GLIS3: variants seen among roughly 807,000 people sequenced by gnomAD.
GLIS3 encodes the protein GLIS family zinc finger 3, also known as zinc finger protein GLIS3.
Under a neutral mutation model 78.6 loss-of-function variants are expected in GLIS3, and 53 were observed. The ratio of observed to expected loss-of-function variants is 0.67; its 90% confidence interval spans 0.54 to 0.85. The LOEUF is 0.85. Ranked by LOEUF, GLIS3 falls within the 40% of genes least tolerant of loss-of-function variation. The probability of loss-of-function intolerance (pLI) is 0.00; values close to 1 mark genes in which losing one functional copy is unlikely to be tolerated. For missense variants in GLIS3, 1,703 were observed against 1,231.1 expected (o/e 1.38, Z -5.74); for synonymous variants, 684 against 509.9 (o/e 1.34, Z -4.60).
intron 8 of GLIS3, among the ~76,000 whole-genome samples, chr9:3,867,358 G>T (rs1441881200): frequency 6.6e-6 from 1 of 152,188 alleles, no homozygotes; most frequent in Non-Finnish European, 1.5e-5. Context: ...GTGACTTCCA[G>T]GAGCATATCA....
chr9:3,873,213 C>G (rs950449186), intron 8 of GLIS3, among the ~76,000 whole-genome samples: 2 of 152,208 alleles, frequency 1.3e-5, no homozygotes, highest in African/African-American at 4.8e-5. Flanking sequence ...AGAGGGAATT[C>G]TCCCACAGTC....
At chr9:4,263,400 C>G (rs560838235) in intron 2 of GLIS3, among the ~76,000 whole-genome samples, 38 of 152,026 alleles carry the variant, frequency 2.5e-4, no homozygotes, top group Non-Finnish European at 3.8e-4. Flanking sequence ...CAAATACAGA[C>G]TAACAGAGAA....
At chr9:4,074,304 G>A (rs1259184873) in intron 4 of GLIS3, among the ~76,000 whole-genome samples, 1 of 152,060 alleles carries the variant, frequency 6.6e-6, no homozygotes, top group Non-Finnish European at 1.5e-5. Flanking sequence ...TCATCATCTG[G>A]GCTTTGTCAG....
At chr9:4,193,065 G>A (rs981901958) in intron 2 of GLIS3, among the ~76,000 whole-genome samples, 2 of 152,212 alleles carry the variant, frequency 1.3e-5, no homozygotes, top group African/African-American at 2.4e-5. Flanking sequence ...TGTAGTCCCT[G>A]TTGGCAAACC....
At chr9:3,851,889 T>A (rs1420098791) in intron 9 of GLIS3, among the ~76,000 whole-genome samples, 1 of 152,136 alleles carries the variant, frequency 6.6e-6, no homozygotes, top group Admixed American at 6.5e-5. Context: ...ATGCCTGTAA[T>A]CCCAGCACTT....
chr9:3,884,098 G>A (rs1313513951), intron 7 of GLIS3, among the ~76,000 whole-genome samples: 1 of 152,204 alleles, frequency 6.6e-6, no homozygotes, highest in Non-Finnish European at 1.5e-5. Flanking sequence ...GGCTACCAGA[G>A]CATTCTAGGC....
rs192665559 is a variant in GLIS3 at position 4,209,205 on chromosome 9, A to G, written c.388+76833T>C. Among the ~76,000 whole-genome samples the G allele has an allele frequency of 5.6e-4, 85 of 152,208 alleles. 1 individual carries two copies. The highest frequency in any genetic ancestry group is 2.0e-3 in the African/African-American group (81 of 41,518). On this transcript the variant is annotated intron_variant, in intron 2 of 10. Coordinates refer to ENST00000381971, the MANE Select transcript of GLIS3 (RefSeq NM_001042413.2). The stretch of plus-strand genomic sequence containing the variant: ...CCTCATCTTATAAATGAAGATGCTC[A>G]CTCAAAGACGTAAAATTACCCTGAG...
intron 4 of GLIS3, among the ~76,000 whole-genome samples, chr9:4,097,864 A>G (rs931092498): frequency 5.3e-5 from 8 of 152,156 alleles, no homozygotes; most frequent in African/African-American, 1.9e-4. Context: ...ACACACACAA[A>G]AAAACCCCAC....
chr9:4,068,834 ATGTGTGTGTGTG>A (rs56232754), intron 4 of GLIS3, among the ~76,000 whole-genome samples: 1 of 149,704 alleles, frequency 6.7e-6, no homozygotes, highest in East Asian at 2.0e-4. Flanking sequence ...GCATGTATGC[ATGTGTGTGTGTG>A]TGTGTGTGTG....
chr9:4,173,076 G>T (rs1159661791), intron 2 of GLIS3, among the ~76,000 whole-genome samples: 1 of 152,142 alleles, frequency 6.6e-6, no homozygotes, highest in Non-Finnish European at 1.5e-5. Context: ...TCCACCCGTG[G>T]AGTTGGAACC....
chr9:4,403,840 A>C, the GLIS3 span, among the ~76,000 whole-genome samples: 1 of 152,146 alleles, frequency 6.6e-6, no homozygotes, highest in Non-Finnish European at 1.5e-5. Context: ...ACGAGAAAAC[A>C]AAGAATACAA....
chr9:3,842,692 A>G (rs1818798032), intron 9 of GLIS3, among the ~76,000 whole-genome samples: 1 of 152,182 alleles, frequency 6.6e-6, no homozygotes, highest in African/African-American at 2.4e-5. Context: ...CCTGAGCTCT[A>G]CGGCCGACTC....
chr9:4,440,159 A>C, the GLIS3 span, among the ~76,000 whole-genome samples: 1 of 152,098 alleles, frequency 6.6e-6, no homozygotes, highest in Non-Finnish European at 1.5e-5. Context: ...TACTCTGCTA[A>C]TTGTTTCTTT....
intron 9 of GLIS3, among the ~76,000 whole-genome samples, chr9:3,837,134 A>G (rs1363636494): frequency 6.6e-6 from 1 of 152,194 alleles, no homozygotes; most frequent in Non-Finnish European, 1.5e-5. Context: ...AAAGGCACTG[A>G]CCTACGACAG....
At chr9:4,329,905 C>A (rs1051061326) in intron 2 of GLIS3, among the ~76,000 whole-genome samples, 1 of 152,136 alleles carries the variant, frequency 6.6e-6, no homozygotes, top group Non-Finnish European at 1.5e-5. Context: ...GATGGGGACA[C>A]AGATGAATAA....
At chr9:4,307,943 G>T (rs1196025834) in intron 4 of GLIS3, among the ~76,000 whole-genome samples, 1 of 152,152 alleles carries the variant, frequency 6.6e-6, no homozygotes, top group South Asian at 2.1e-4. Context: ...TGTTTAGGGT[G>T]CTATTTAGGG....
chr9:3,848,068 T>C (rs1032258740), intron 9 of GLIS3, among the ~76,000 whole-genome samples: 2 of 152,266 alleles, frequency 1.3e-5, no homozygotes, highest in African/African-American at 2.4e-5. Flanking sequence ...CTTTCTGGGA[T>C]TTCAAGATGT....
Position 4,286,455 on chromosome 9 carries a change from A to C in GLIS3, c.-30T>G. ...AAAAACCTGTGGCCAAGACGGTCAA[A>C]TATCCAATGTCACTAATGACTCCTT... On this transcript the variant is annotated 5_prime_UTR_variant, in exon 2 of 11. Coordinates refer to ENST00000381971, the MANE Select transcript of GLIS3 (RefSeq NM_001042413.2). 1.2e-6 allele frequency: 2 copies of C among 1,612,522 alleles called. No individual in the cohort carries two copies. Among genetic ancestry groups the C allele is most frequent in the Non-Finnish European group, 8.5e-7 (1 of 1,179,936 alleles).
intron 2 of GLIS3, among the ~76,000 whole-genome samples, chr9:4,148,384 T>A (rs1444889194): frequency 3.3e-5 from 5 of 152,060 alleles, no homozygotes; most frequent in Admixed American, 6.6e-5. Context: ...ACTCTCCATA[T>A]TTCCATCCTC....
Sources: gnomAD v4.1 joint callset for allele counts (sites outside exome capture counted in the v4.1 genomes callset) on GRCh38, gnomAD v4.1.1 for gene constraint, MANE v1.5 for transcripts, NCBI Gene and HGNC (gene_info 2026-07-23, HGNC 2026-07-21) for gene names.